The following LMBR1 variants were observed in gnomAD, a reference collection of about 807,000 sequenced individuals.
LMBR1 encodes the protein limb development membrane protein 1.
In LMBR1, 52 loss-of-function variants were observed where a neutral mutation model predicts 73.9. That is an observed-to-expected ratio of 0.70 (90% CI 0.56 to 0.89). LMBR1 has a LOEUF of 0.89. Ranked by LOEUF, LMBR1 falls within the 40% of genes least tolerant of loss-of-function variation. The pLI is 0.00. For synonymous variants in LMBR1, 215 were observed against 209.4 expected (o/e 1.03, Z -0.23); for missense variants, 539 against 579.8 (o/e 0.93, Z 0.72).
At chr7:156,839,348 C>T (rs770754384) in intron 1 of LMBR1, among the ~76,000 whole-genome samples, 8 of 151,964 alleles carry the variant, frequency 5.3e-5, no homozygotes, top group Admixed American at 1.3e-4. Context: ...TGTGCCCAGC[C>T]GCCCATTTTT....
chr7:156,775,347 G>A (rs763759621), intron 5 of LMBR1, among the ~76,000 whole-genome samples: 15 of 152,272 alleles, frequency 9.9e-5, no homozygotes, highest in Middle Eastern at 3.4e-3. Flanking sequence ...CAGCCTGGGC[G>A]ACGAAGTGAG....
At chr7:156,791,654 A>G (rs1305960326) in intron 5 of LMBR1, among the ~76,000 whole-genome samples, 1 of 152,232 alleles carries the variant, frequency 6.6e-6, no homozygotes, top group Non-Finnish European at 1.5e-5. Context: ...CCACCTGGTC[A>G]GTCCAATTAA....
chr7:156,840,121 T>C (rs1838386871), intron 1 of LMBR1, among the ~76,000 whole-genome samples: 1 of 152,220 alleles, frequency 6.6e-6, no homozygotes, highest in Admixed American at 6.5e-5. Context: ...ATTCACATTT[T>C]ATTCATTCAA....
At chr7:156,730,053 G>C (rs1816553938) in intron 10 of LMBR1, among the ~76,000 whole-genome samples, 1 of 152,134 alleles carries the variant, frequency 6.6e-6, no homozygotes, top group Non-Finnish European at 1.5e-5. Context: ...GACCCAAGAG[G>C]GTGAGAAATC....
intron 1 of LMBR1, chr7:156,872,332 A>T (rs1799422083): frequency 6.6e-6 from 1 of 152,158 alleles, no homozygotes; most frequent in Non-Finnish European, 1.5e-5. Context: ...CTCATTTACA[A>T]TAGCACAAAA....
chr7:156,704,963 C>T (rs1409036960), intron 15 of LMBR1, among the ~76,000 whole-genome samples: 1 of 151,874 alleles, frequency 6.6e-6, no homozygotes, highest in Non-Finnish European at 1.5e-5. Flanking sequence ...TACATAAAAA[C>T]CTAACGTACA....
At chr7:156,838,964 G>A (rs1838153226) in intron 1 of LMBR1, among the ~76,000 whole-genome samples, 1 of 150,958 alleles carries the variant, frequency 6.6e-6, no homozygotes, top group Non-Finnish European at 1.5e-5. Context: ...TGTCCCTGAT[G>A]ATTAGTGATG....
At chr7:156,872,508 G>A (rs1433449508) in intron 1 of LMBR1, among the ~76,000 whole-genome samples, 2 of 151,920 alleles carry the variant, frequency 1.3e-5, no homozygotes, top group African/African-American at 2.4e-5. Flanking sequence ...TTAGCTGGGC[G>A]TGGTGGCGCA....
intron 5 of LMBR1, among the ~76,000 whole-genome samples, chr7:156,781,168 A>G (rs757882761): frequency 1.2e-4 from 19 of 152,232 alleles, no homozygotes; most frequent in South Asian, 2.1e-4. Flanking sequence ...ACTTATTATT[A>G]CAGTGAAACA....
chr7:156,685,737 C>T lies in LMBR1; in HGVS notation c.1388-1574G>A, dbSNP rs1055779347. 6.6e-6 allele frequency among the ~76,000 whole-genome samples: 1 copy of T among 152,202 alleles called. No individual in the cohort carries two copies. Among genetic ancestry groups the T allele is most frequent in the Admixed American group, 6.5e-5 (1 of 15,286 alleles). ...CAAATGATCATCATGTGGCCTATGG[C>T]CACACAGCAGCACTTCCACAGGGCA... On this transcript the variant is annotated intron_variant, in intron 16 of 16. Transcript: ENST00000353442. The surrounding 1 kb of genome is among the most constrained non-coding windows in gnomAD (Gnocchi z 4.1).
At chr7:156,728,783 T>C in intron 10 of LMBR1, 63 bp from the exon 11 acceptor site, 1 of 1,106,074 alleles carries the variant, frequency 9.0e-7, no homozygotes, top group East Asian at 2.4e-5. Context: ...CCTTCCATAA[T>C]GCTATAATCT....
intron 9 of LMBR1, among the ~76,000 whole-genome samples, chr7:156,752,163 A>G (rs564618622): frequency 2.0e-5 from 3 of 152,346 alleles, no homozygotes; most frequent in Admixed American, 2.0e-4. Flanking sequence ...AAAGAGAGGA[A>G]GATAAGGACT....
At chr7:156,805,080 T>TA (rs376237128) in intron 4 of LMBR1, among the ~76,000 whole-genome samples, 12 of 151,670 alleles carry the variant, frequency 7.9e-5, no homozygotes, top group South Asian at 2.1e-4. Flanking sequence ...ACCATTTGTT[T>TA]AAAAAAAAAT....
At chr7:156,701,488 A>C (rs752508563) in intron 15 of LMBR1, among the ~76,000 whole-genome samples, 17 of 152,222 alleles carry the variant, frequency 1.1e-4, no homozygotes, top group Non-Finnish European at 2.4e-4. Flanking sequence ...GGAAGTGCAA[A>C]CTAATTTATA....
intron 1 of LMBR1, among the ~76,000 whole-genome samples, chr7:156,871,532 C>T (rs754455124): frequency 3.3e-5 from 5 of 152,106 alleles, no homozygotes; most frequent in African/African-American, 4.8e-5. Flanking sequence ...AATACAGATA[C>T]GAAAATCCTC....
At chr7:156,881,892 A>G (rs913555513) in intron 1 of LMBR1, among the ~76,000 whole-genome samples, 2 of 152,156 alleles carry the variant, frequency 1.3e-5, no homozygotes, top group East Asian at 3.9e-4. Context: ...ATGCAAAATG[A>G]TGCAGCTGCT....
chr7:156,732,933 C>T (rs1281398393), intron 10 of LMBR1, among the ~76,000 whole-genome samples: 2 of 152,126 alleles, frequency 1.3e-5, no homozygotes, highest in Non-Finnish European at 2.9e-5. Context: ...CACTTGAGCC[C>T]AGGAGTTTGA....
chr7:156,840,786 C>T (rs376620477), intron 1 of LMBR1, among the ~76,000 whole-genome samples: 2 of 142,378 alleles, frequency 1.4e-5, no homozygotes, highest in African/African-American at 2.6e-5. Context: ...GGTGAAACCC[C>T]GTCTCTACTA....
At chr7:156,672,786 C>T (rs1802839703) in intron 4 of LMBR1, among the ~76,000 whole-genome samples, 1 of 152,218 alleles carries the variant, frequency 6.6e-6, no homozygotes, top group South Asian at 2.1e-4. Context: ...CTTCTGAAAG[C>T]GCACGCACAG....
Sources: allele counts gnomAD v4.1 joint callset (sites outside exome capture counted in the v4.1 genomes callset), GRCh38; gene constraint gnomAD v4.1.1; non-coding constraint Gnocchi (gnomAD v3.1); transcripts MANE v1.5; gene names NCBI Gene and HGNC (gene_info 2026-07-23, HGNC 2026-07-21).